The following FBXL13 variants were observed in gnomAD, a reference collection of about 807,000 sequenced individuals.
The protein encoded by FBXL13 is F-box and leucine-rich repeat protein 13.
A neutral mutation model predicts 83.6 loss-of-function variants in FBXL13; 67 were observed. That is an observed-to-expected ratio of 0.80 (90% CI 0.66 to 0.98). The LOEUF (loss-of-function observed/expected upper bound fraction) is 0.98. FBXL13 is among the 50% of genes least tolerant of loss of function. The pLI is 0.00. For missense variants in FBXL13, 822 were observed against 866.5 expected (o/e 0.95, Z 0.64); for synonymous variants, 272 against 299.5 (o/e 0.91, Z 0.95).
intron 1 of FBXL13, among the ~76,000 whole-genome samples, chr7:103,062,099 A>G (rs996524612): frequency 4.6e-5 from 7 of 151,266 alleles, no homozygotes; most frequent in African/African-American, 1.7e-4. Context: ...TCTGCTGAGC[A>G]GATCTGGTTT....
intron 14 of FBXL13, among the ~76,000 whole-genome samples, chr7:102,878,728 C>G (rs1048088658): frequency 2.0e-5 from 3 of 152,004 alleles, no homozygotes; most frequent in Non-Finnish European, 4.4e-5. Context: ...AGGTCTTTTT[C>G]TCTTGGGTTA....
chr7:102,843,166 G>A (rs550068973), intron 17 of FBXL13, among the ~76,000 whole-genome samples: 5 of 152,178 alleles, frequency 3.3e-5, no homozygotes, highest in Non-Finnish European at 5.9e-5. Flanking sequence ...GTGGTAGGCC[G>A]GGCATGGTGG....
At chr7:102,902,295 A>G (rs987763489) in intron 11 of FBXL13, among the ~76,000 whole-genome samples, 10 of 152,136 alleles carry the variant, frequency 6.6e-5, no homozygotes, top group South Asian at 4.1e-4. Context: ...AATTTTTCCT[A>G]TAAAGTTGTT....
chr7:102,939,840 T>C (rs1266353729), intron 8 of FBXL13, among the ~76,000 whole-genome samples: 2 of 152,194 alleles, frequency 1.3e-5, no homozygotes, highest in African/African-American at 4.8e-5. Context: ...TAGTGTGTTA[T>C]AGATTTTTAA....
chr7:102,921,581 G>A (rs1817039381), intron 10 of FBXL13, among the ~76,000 whole-genome samples: 1 of 152,128 alleles, frequency 6.6e-6, no homozygotes, highest in South Asian at 2.1e-4. Flanking sequence ...TTGGGAGGCT[G>A]AGGCAGGAAA....
At chr7:102,879,109 C>T (rs1472397251) in intron 14 of FBXL13, among the ~76,000 whole-genome samples, 1 of 152,124 alleles carries the variant, frequency 6.6e-6, no homozygotes, top group Non-Finnish European at 1.5e-5. Context: ...ATTTCTAATT[C>T]CAATTGAGAA....
At chr7:103,002,577 T>C (rs1204296258) in intron 6 of FBXL13, among the ~76,000 whole-genome samples, 2 of 152,242 alleles carry the variant, frequency 1.3e-5, no homozygotes, top group African/African-American at 4.8e-5. Flanking sequence ...CCTTTAGCAT[T>C]TCTTGTTAAG....
intron 6 of FBXL13, among the ~76,000 whole-genome samples, chr7:103,020,309 T>C (rs1462086892): frequency 1.3e-5 from 2 of 152,202 alleles, no homozygotes; most frequent in Non-Finnish European, 2.9e-5. Context: ...AAATTAGTTA[T>C]TGATGGGACG....
At chr7:102,851,090 GC>G (rs1380621450) in intron 17 of FBXL13, among the ~76,000 whole-genome samples, 3 of 152,122 alleles carry the variant, frequency 2.0e-5, no homozygotes, top group Admixed American at 6.6e-5. Context: ...AAGACTTTGG[GC>G]CAGTCATTTA....
chr7:102,824,946 C>A (rs980976152), intron 18 of FBXL13, among the ~76,000 whole-genome samples: 3 of 151,894 alleles, frequency 2.0e-5, no homozygotes, highest in African/African-American at 7.2e-5. Flanking sequence ...TTTTGTTTTT[C>A]CTAGTGCATT....
At chr7:102,834,361 C>T (rs1302227006) in intron 17 of FBXL13, among the ~76,000 whole-genome samples, 2 of 145,156 alleles carry the variant, frequency 1.4e-5, no homozygotes, top group South Asian at 2.1e-4. Flanking sequence ...ACTAAAGATA[C>T]TTCTTATTTA....
chr7:102,972,737 A>C (rs1826869822), intron 6 of FBXL13, among the ~76,000 whole-genome samples: 1 of 151,628 alleles, frequency 6.6e-6, no homozygotes, highest in Admixed American at 6.6e-5. Context: ...TAATAAATAA[A>C]AAGATAATAA....
intron 10 of FBXL13, among the ~76,000 whole-genome samples, chr7:102,918,040 C>T (rs570074369): frequency 6.6e-6 from 1 of 152,244 alleles, no homozygotes; most frequent in South Asian, 2.1e-4. Context: ...TTACATTTTT[C>T]TCTTGGCAAG....
chr7:102,930,863 C>T (rs1819042885), intron 9 of FBXL13, among the ~76,000 whole-genome samples: 1 of 152,202 alleles, frequency 6.6e-6, no homozygotes, highest in Non-Finnish European at 1.5e-5. Context: ...CCATTGCCTA[C>T]TTGGTATCTC....
At chr7:102,923,570 C>G (rs1419632417) in intron 10 of FBXL13, among the ~76,000 whole-genome samples, 4 of 152,178 alleles carry the variant, frequency 2.6e-5, no homozygotes. Flanking sequence ...CGCTTGTAAT[C>G]CCAGCACTTT....
At chr7:102,815,781 A>G (rs1797916513) in intron 19 of FBXL13, among the ~76,000 whole-genome samples, 1 of 152,122 alleles carries the variant, frequency 6.6e-6, no homozygotes, top group African/African-American at 2.4e-5. Flanking sequence ...ACTACTAATG[A>G]TAAGTCTGGG....
At chr7:103,034,841 T>G (rs1794917510) in intron 2 of FBXL13, among the ~76,000 whole-genome samples, 1 of 152,244 alleles carries the variant, frequency 6.6e-6, no homozygotes, top group Non-Finnish European at 1.5e-5. Context: ...TTTTGCAAAC[T>G]TAAACTAATG....
chr7:102,967,270 CTT>C (rs56060851), intron 7 of FBXL13, among the ~76,000 whole-genome samples: 3 of 148,856 alleles, frequency 2.0e-5, no homozygotes, highest in African/African-American at 5.0e-5. Context: ...TCCTCTCTTT[CTT>C]TTTTTTTTTT....
chr7:103,069,292 T>C (rs772599344), intron 1 of FBXL13, among the ~76,000 whole-genome samples: 5 of 152,154 alleles, frequency 3.3e-5, no homozygotes, highest in Non-Finnish European at 7.4e-5. Context: ...ATCTGGAAAG[T>C]GAGGAGCGCC....
Sources: gnomAD v4.1 joint callset for allele counts (sites outside exome capture counted in the v4.1 genomes callset) on GRCh38, gnomAD v4.1.1 for gene constraint, MANE v1.5 for transcripts, NCBI Gene and HGNC (gene_info 2026-07-23, HGNC 2026-07-21) for gene names.